ACTN1: variants seen among roughly 807,000 people sequenced by gnomAD.
ACTN1 encodes actinin alpha 1.
Under a neutral mutation model 119.6 loss-of-function variants are expected in ACTN1, and 30 were observed. The ratio of observed to expected loss-of-function variants is 0.25; its 90% CI spans 0.19 to 0.34. The LOEUF (loss-of-function observed/expected upper bound fraction) is 0.34, where lower values mean the gene tolerates loss of function less well. Ranked by LOEUF, ACTN1 falls within the 10% of genes least tolerant of loss-of-function variation. The pLI is 1.00. For missense variants in ACTN1, 764 were observed against 1,223.4 expected (o/e 0.62, Z 5.60); for synonymous variants, 429 against 472.6 (o/e 0.91, Z 1.20).
At position 68,909,858 on chromosome 14, in the gene ACTN1, T is replaced by G; in HGVS notation, c.515+97A>C. Reference sequence around the variant, plus strand: ...ACTTCTTCCCCCAGAGGTCTCCACTTTGTTCTAAAGCTGAGACTGACCCAG... The same window carrying G: ...ACTTCTTCCCCCAGAGGTCTCCACTGTGTTCTAAAGCTGAGACTGACCCAG... On this transcript the variant is annotated intron_variant, in intron 5 of 21. Coordinates refer to ENST00000394419, the MANE Select transcript of ACTN1 (RefSeq NM_001130004.2). This position sits in a 1 kb window ranked among gnomAD's most constrained non-coding sequence, Gnocchi z 4.1. 9.8e-7 allele frequency: 1 copy of G among 1,019,946 alleles called. No individual in the cohort carries two copies. The highest frequency in any genetic ancestry group is 1.5e-6 in the Non-Finnish European group (1 of 671,718). The allele number at this position is 1,019,946 out of a possible 1,614,324, so 63.2% of individuals were successfully genotyped here.
rs1232642248 is a variant in ACTN1 at position 68,878,354 on chromosome 14, G to A, written c.2427+104C>T. 1 of 1,458,680 alleles carries A rather than the reference G, an allele frequency of 6.9e-7. No homozygotes were observed. Among genetic ancestry groups the A allele is most frequent in the Non-Finnish European group, 9.1e-7 (1 of 1,101,666 alleles). 90.4% of individuals were successfully genotyped at this position (1,458,680 alleles called of 1,614,324 possible). ...CCCTGGGGCTCCTCCAGGGAGGGCA[G>A]CCCCTAGCCTGAGGGCCTCCAGCCT... On this transcript the variant is annotated intron_variant, in intron 20 of 21. Transcript: ENST00000394419. The surrounding 1 kb of genome is among the most constrained non-coding windows in gnomAD (Gnocchi z 4.4).
intron 3 of ACTN1, among the ~76,000 whole-genome samples, chr14:68,918,831 ACCCCTG>A (rs1241817141): frequency 1.8e-4 from 27 of 152,090 alleles, no homozygotes; most frequent in African/African-American, 6.3e-4. Context: ...TCTGGAGCCT[ACCCCTG>A]GGTTTAACCC....
chr14:68,936,891 C>A, intron 1 of ACTN1: 1 of 571,922 alleles, frequency 1.7e-6, no homozygotes, highest in Non-Finnish European at 3.4e-6. Flanking sequence ...CCCTCAATCC[C>A]CAGCCCTCAT....
Position 68,892,276 on chromosome 14 carries a change from T to G in ACTN1, c.863A>C (p.Glu288Ala). The change falls in exon 10 of 22, where the codon GAG (glutamate) becomes GCG (alanine). Residue 288 changes from glutamate to alanine, a missense_variant. By Grantham distance (107) the Glu-to-Ala change is moderately radical. Transcript: ENST00000394419. Reference sequence around the variant, plus strand: ...CCACGGGATTGTGCGGCGGATCCACTCCAACAGCTAGGGTGGGAAGGCGGT... The same window carrying G: ...CCACGGGATTGTGCGGCGGATCCACGCCAACAGCTAGGGTGGGAAGGCGGT... ...DYEKLASDLL[E>A]WIRRTIPWLE... 6.2e-7 allele frequency: 1 copy of G among 1,611,780 alleles called. No individual in the cohort carries two copies. Among genetic ancestry groups the G allele is most frequent in the South Asian group, 1.1e-5 (1 of 90,900 alleles).
At chr14:68,929,035 G>GTTCGTGGGAGAGGGCTGGAACTGTGGCGC (rs2035081182) in intron 1 of ACTN1, among the ~76,000 whole-genome samples, 1 of 26,704 alleles carries the variant, frequency 3.7e-5, no homozygotes, top group Non-Finnish European at 6.5e-5. Context: ...AACTGTGGCG[G>GTTCGTGGGAGAGGGCTGGAACTGTGGCGC]GTTCGTGGGA....
In ACTN1 at chr14:68,874,630, A is replaced by G. The variant is rs1038704241; in HGVS notation, c.*229T>C. 1 of 387,964 alleles carries G rather than the reference A, an allele frequency of 2.6e-6. No homozygotes were observed. The highest frequency in any genetic ancestry group is 2.1e-5 in the African/African-American group (1 of 48,388). 24.0% of individuals were successfully genotyped at this position (387,964 alleles called of 1,614,324 possible). The stretch of plus-strand genomic sequence containing the variant: ...CTGGTGGAGAAAAAATACTTTTTCT[A>G]TAATAAAATATGTAGTTTTTTGGTT... On this transcript the variant is annotated 3_prime_UTR_variant, in exon 22 of 22. Coordinates refer to ENST00000394419, the MANE Select transcript of ACTN1 (RefSeq NM_001130004.2).
At chr14:68,963,947 T>A (rs1030661737) in intron 1 of ACTN1, among the ~76,000 whole-genome samples, 1 of 152,218 alleles carries the variant, frequency 6.6e-6, no homozygotes, top group Non-Finnish European at 1.5e-5. Flanking sequence ...CATTTATTCA[T>A]GCAACTAGCA....
intron 1 of ACTN1, among the ~76,000 whole-genome samples, chr14:68,953,407 C>T (rs750909894): frequency 2.6e-5 from 4 of 152,218 alleles, no homozygotes; most frequent in East Asian, 3.8e-4. Context: ...CACTAATCAG[C>T]GTGCCCAGCA....
At chr14:68,910,860 T>G (rs1004689995) in intron 4 of ACTN1, among the ~76,000 whole-genome samples, 2 of 152,188 alleles carry the variant, frequency 1.3e-5, no homozygotes, top group African/African-American at 4.8e-5. Context: ...TGGCTCTCAT[T>G]CTCTGCCTGC....
intron 6 of ACTN1, among the ~76,000 whole-genome samples, chr14:68,905,758 G>A (rs561026012): frequency 3.3e-5 from 5 of 152,236 alleles, no homozygotes; most frequent in South Asian, 2.1e-4. Context: ...TTGGGAGGCC[G>A]AGGCAGATGG....
At chr14:68,945,900 G>A (rs2035928284) in intron 1 of ACTN1, among the ~76,000 whole-genome samples, 1 of 152,174 alleles carries the variant, frequency 6.6e-6, no homozygotes, top group South Asian at 2.1e-4. Context: ...CCAACCCACT[G>A]CCCCAAGTGT....
Position 68,882,517 on chromosome 14 carries a change from G to A in ACTN1, c.1894C>T (p.Arg632Cys), listed in dbSNP as rs373084944. ...HARQQHNERLRKQFGAQANVI... is the reference protein window; with the variant it reads ...HARQQHNERLCKQFGAQANVI... ...TTGGCCTGGGCTCCAAACTGCTTGC[G>A]TAGCCTCTCATTGTGCTGCTGTCGG... Residue 632 changes from arginine to cysteine, a missense_variant, in exon 16 of 22, where the codon CGC (arginine) becomes TGC (cysteine). Coordinates refer to ENST00000394419, the MANE Select transcript of ACTN1 (RefSeq NM_001130004.2). This position sits in a 1 kb window ranked among gnomAD's most constrained non-coding sequence, Gnocchi z 4.5. The A allele has an allele frequency of 6.2e-6, 10 of 1,613,416 alleles. No individual in the cohort carries two copies. Among genetic ancestry groups the A allele is most frequent in the East Asian group, 2.2e-5 (1 of 44,886 alleles).
intron 1 of ACTN1, among the ~76,000 whole-genome samples, chr14:68,961,291 G>A (rs2036529809): frequency 1.3e-5 from 2 of 152,122 alleles, no homozygotes; most frequent in South Asian, 4.1e-4. Context: ...AAAAAGCAGA[G>A]CTAATTTTTA....
At chr14:68,877,047 C>A in intron 21 of ACTN1, 35 bp downstream of exon 21, 1 of 1,610,296 alleles carries the variant, frequency 6.2e-7, no homozygotes, top group South Asian at 1.1e-5. Context: ...CAGTGCCTGC[C>A]ACCCCAGCAC....
At position 68,882,392 on chromosome 14, in the gene ACTN1, CT is replaced by C; in HGVS notation, c.1953+65del. ...CCACCCAGGGAGACAGGCAGCCTGG[CT>C]GGCTAGGATAGTGTCGGGGGGGAGG... On this transcript the variant is annotated intron_variant, in intron 16 of 21. Coordinates refer to ENST00000394419, the MANE Select transcript of ACTN1 (RefSeq NM_001130004.2). This position sits in a 1 kb window ranked among gnomAD's most constrained non-coding sequence, Gnocchi z 4.5. The C allele has an allele frequency of 6.5e-7, 1 of 1,532,974 alleles. No individual in the cohort carries two copies. The highest frequency in any genetic ancestry group is 8.8e-7 in the Non-Finnish European group (1 of 1,131,096). The allele number at this position is 1,532,974 out of a possible 1,614,324, so 95.0% of individuals were successfully genotyped here. A position where few individuals can be genotyped will look rare whatever the true frequency, so the allele number is the denominator to read the frequency against.
intron 10 of ACTN1, among the ~76,000 whole-genome samples, 179 bp from the exon 11 acceptor site, chr14:68,890,465 T>A (rs2032390080): frequency 2.6e-5 from 4 of 152,166 alleles, no homozygotes. Context: ...ACTGGTATTT[T>A]CTGGGCTCCC....
At chr14:68,975,256 C>A (rs553433436) in intron 1 of ACTN1, among the ~76,000 whole-genome samples, 1 of 152,212 alleles carries the variant, frequency 6.6e-6, no homozygotes, top group Admixed American at 6.5e-5. Context: ...AACATCCATT[C>A]GCTCAACAAG....
intron 1 of ACTN1, among the ~76,000 whole-genome samples, chr14:68,939,000 G>A (rs2035663275): frequency 6.6e-6 from 1 of 152,158 alleles, no homozygotes; most frequent in South Asian, 2.1e-4. Flanking sequence ...GGTCACCAGG[G>A]CCAAGAAGCA....
chr14:68,930,414 G>A (rs979497241), intron 1 of ACTN1, among the ~76,000 whole-genome samples: 1 of 152,178 alleles, frequency 6.6e-6, no homozygotes, highest in Non-Finnish European at 1.5e-5. Context: ...GATTCTAAAA[G>A]GATGTCTGAA....
Sources: gnomAD v4.1 joint callset for allele counts (sites outside exome capture counted in the v4.1 genomes callset) on GRCh38, gnomAD v4.1.1 for gene constraint, Gnocchi (gnomAD v3.1) non-coding constraint, MANE v1.5 for transcripts, NCBI Gene and HGNC (gene_info 2026-07-23, HGNC 2026-07-21) for gene names.